The following ATP13A4 variants were observed in gnomAD, a reference collection of about 807,000 sequenced individuals.
The protein encoded by ATP13A4 is ATPase 13A4.
ATP13A4 carries 114 observed loss-of-function variants against 142.5 expected under a neutral mutation model. That is an observed-to-expected ratio of 0.80 (90% CI 0.69 to 0.93). ATP13A4 has a LOEUF of 0.93. ATP13A4 is among the 40% of genes least tolerant of loss of function. ATP13A4 has a pLI of 0.00. For missense variants in ATP13A4, 1,392 were observed against 1,454.0 expected (o/e 0.96, Z 0.69); for synonymous variants, 488 against 514.8 (o/e 0.95, Z 0.70).
intron 3 of ATP13A4, among the ~76,000 whole-genome samples, chr3:193,495,889 A>G (rs1270722988): frequency 6.6e-6 from 1 of 152,222 alleles, no homozygotes; most frequent in African/African-American, 2.4e-5. Context: ...ATACAAAATC[A>G]ATGTATAAAA....
rs78178730 is a variant in ATP13A4 at position 193,420,972 on chromosome 3, G to C, written c.2843-6222C>G. On this transcript the variant is annotated intron_variant, in intron 25 of 29. Transcript: ENST00000342695. ...TTATGGGATTGCCAGATGGAGAAGAGACAAAGATAGAAACAAAACATTTTA... is the reference window on the plus strand; with the variant it reads ...TTATGGGATTGCCAGATGGAGAAGACACAAAGATAGAAACAAAACATTTTA... Among the ~76,000 whole-genome samples the C allele has an allele frequency of 8.0e-5, 12 of 149,756 alleles. 2 individuals carry two copies. In the East Asian group the frequency reaches 2.5e-3, roughly 31 times the overall value.
chr3:193,401,055 C>T lies in ATP13A4; in HGVS notation c.*1597G>A, dbSNP rs1371644583. On this transcript the variant is annotated 3_prime_UTR_variant, in exon 30 of 30. Transcript: ENST00000342695. ...CCTCATGGCTGGGAGACACCATGTTCCTAGAATCAGCTGCAATCATAGAGC... is the reference window on the plus strand; with the variant it reads ...CCTCATGGCTGGGAGACACCATGTTTCTAGAATCAGCTGCAATCATAGAGC... Among the ~76,000 whole-genome samples the T allele has an allele frequency of 2.0e-5, 3 of 152,146 alleles. No homozygotes were observed. Among genetic ancestry groups the T allele is most frequent in the Non-Finnish European group, 4.4e-5 (3 of 68,020 alleles).
intron 1 of ATP13A4, among the ~76,000 whole-genome samples, chr3:193,515,512 C>G (rs976113990): frequency 9.2e-5 from 14 of 152,162 alleles, no homozygotes; most frequent in African/African-American, 3.4e-4. Context: ...TGTGCCTTCC[C>G]ATGTTCCTTC....
chr3:193,505,635 AAGAT>A (rs1419296357), intron 2 of ATP13A4, among the ~76,000 whole-genome samples: 2 of 152,156 alleles, frequency 1.3e-5, no homozygotes, highest in East Asian at 1.9e-4. Flanking sequence ...GAAAAAATAA[AAGAT>A]AGGACAGCTA....
At position 193,414,527 on chromosome 3, in the gene ATP13A4, T is replaced by A; in HGVS notation, c.3014+52A>T. 3 of 1,597,456 alleles carry A rather than the reference T, an allele frequency of 1.9e-6. 1 individual carries two copies. The highest frequency in any genetic ancestry group is 2.2e-5 in the South Asian group (2 of 90,364). On this transcript the variant is annotated intron_variant, in intron 26 of 29. Transcript: ENST00000342695. ...GCCTCCCATCATATTGGCCAGAGGA[T>A]GTTTGATAGAAATTAGAATGTGAGA...
intron 2 of ATP13A4, among the ~76,000 whole-genome samples, chr3:193,510,665 GAGA>G (rs1227440511): frequency 1.3e-5 from 2 of 151,946 alleles, no homozygotes; most frequent in African/African-American, 2.4e-5. Flanking sequence ...TCCTTAATAA[GAGA>G]AGAAGAACTG....
chr3:193,467,928 C>T (rs1718397060), intron 9 of ATP13A4, among the ~76,000 whole-genome samples: 1 of 152,006 alleles, frequency 6.6e-6, no homozygotes, highest in South Asian at 2.1e-4. Flanking sequence ...CCTGTAATCC[C>T]AGTACTTTGG....
rs958515292 is a variant in ATP13A4 at position 193,423,555 on chromosome 3, T to C, written c.2843-8805A>G. ...AACATATTCAAATCAATAAACATGA[T>C]ACATTACATCAATAGGATGGACAAA... On this transcript the variant is annotated intron_variant, in intron 25 of 29. Coordinates refer to ENST00000342695, the MANE Select transcript of ATP13A4 (RefSeq NM_032279.4). Among the ~76,000 whole-genome samples the C allele has an allele frequency of 4.0e-5, 6 of 149,762 alleles. 1 individual carries two copies. Among genetic ancestry groups the C allele is most frequent in the African/African-American group, 1.5e-4 (6 of 40,820 alleles).
chr3:193,508,356 T>G (rs78782953), intron 2 of ATP13A4, among the ~76,000 whole-genome samples: 2,381 of 152,304 alleles, frequency 0.016, 80 homozygotes, highest in African/African-American at 0.055. Flanking sequence ...CTTAAACCAC[T>G]TCACAATGCT....
At chr3:193,514,353 C>A (rs1577039821) in intron 2 of ATP13A4, among the ~76,000 whole-genome samples, 1 of 152,090 alleles carries the variant, frequency 6.6e-6, no homozygotes, top group Non-Finnish European at 1.5e-5. Context: ...TCTGTTCCTG[C>A]GTTAGTTTGC....
intron 3 of ATP13A4, 102 bp from the exon 4 acceptor site, chr3:193,493,262 C>T (rs1560229962): frequency 1.1e-6 from 1 of 925,148 alleles, no homozygotes; most frequent in East Asian, 2.5e-5. Context: ...AAAGATAAAA[C>T]TCTAACATAC....
chr3:193,433,855 A>C lies in ATP13A4; in HGVS notation c.2832T>G (p.Ile944Met). The C allele has an allele frequency of 6.2e-7, 1 of 1,613,130 alleles. No individual in the cohort carries two copies. Among genetic ancestry groups the C allele is most frequent in the Non-Finnish European group, 8.5e-7 (1 of 1,179,064 alleles). ...LFQDLAITTLIGVTMNLNGAY... is the reference protein window; with the variant it reads ...LFQDLAITTLMGVTMNLNGAY... ...TTTAAAATGTCTTACTTGTTACACCAATAAGAGTTGTAATGGCCAGATCCT... is the reference window on the plus strand; with the variant it reads ...TTTAAAATGTCTTACTTGTTACACCCATAAGAGTTGTAATGGCCAGATCCT... Residue 944 changes from isoleucine to methionine, a missense_variant, in exon 25 of 30, where the codon ATT (isoleucine) becomes ATG (methionine). Ile to Met is a conservative substitution (Grantham distance 10). Transcript: ENST00000342695.
chr3:193,487,635 C>T (rs1030577341), intron 7 of ATP13A4, among the ~76,000 whole-genome samples: 1 of 152,068 alleles, frequency 6.6e-6, no homozygotes, highest in Admixed American at 6.6e-5. Context: ...TTTAAAGAGG[C>T]ATTTTGACAA....
chr3:193,544,121 C>T (rs1039018479), intron 1 of ATP13A4, among the ~76,000 whole-genome samples: 1 of 152,120 alleles, frequency 6.6e-6, no homozygotes, highest in Non-Finnish European at 1.5e-5. Flanking sequence ...TCTTACTTCT[C>T]TGGACTCTTC....
intron 16 of ATP13A4, among the ~76,000 whole-genome samples, chr3:193,455,113 C>T (rs1348377417): frequency 2.0e-5 from 3 of 151,774 alleles, no homozygotes; most frequent in Admixed American, 1.3e-4. Context: ...CCGAGGTGGG[C>T]GGATTATGAG....
At chr3:193,462,234 A>G (rs965862884) in intron 13 of ATP13A4, among the ~76,000 whole-genome samples, 5 of 151,896 alleles carry the variant, frequency 3.3e-5, no homozygotes, top group African/African-American at 7.3e-5. Context: ...AAAAAAAAAA[A>G]AAAAGAAAAA....
At chr3:193,518,121 A>G (rs969461335) in intron 1 of ATP13A4, among the ~76,000 whole-genome samples, 3 of 152,222 alleles carry the variant, frequency 2.0e-5, no homozygotes, top group African/African-American at 7.2e-5. Flanking sequence ...ATAAATTAAA[A>G]TGGTGACAAT....
At chr3:193,403,893 T>A (rs916820861) in intron 29 of ATP13A4, 22 of 985,328 alleles carry the variant, frequency 2.2e-5, no homozygotes, top group Non-Finnish European at 2.5e-5. Flanking sequence ...GAGTTAATTC[T>A]GTGAGATTCT....
intron 7 of ATP13A4, among the ~76,000 whole-genome samples, chr3:193,484,746 C>A (rs951887543): frequency 1.3e-5 from 2 of 152,022 alleles, no homozygotes; most frequent in African/African-American, 4.8e-5. Flanking sequence ...ATTTATTGAG[C>A]AAATTTTAAT....
Sources: allele counts gnomAD v4.1 joint callset (sites outside exome capture counted in the v4.1 genomes callset), GRCh38; gene constraint gnomAD v4.1.1; transcripts MANE v1.5; gene names NCBI Gene and HGNC (gene_info 2026-07-23, HGNC 2026-07-21).